The following CWC22 variants were observed in gnomAD, a reference collection of about 807,000 sequenced individuals.
CWC22 encodes the protein pre-mRNA-splicing factor CWC22 homolog.
CWC22 carries 53 observed loss-of-function variants against 117.2 expected under a neutral mutation model. The ratio of observed to expected loss-of-function variants is 0.45; its 90% confidence interval spans 0.36 to 0.57. The LOEUF is 0.57. Among genes scored for constraint, CWC22 ranks in the 20% least tolerant of loss-of-function variants. The pLI, the probability that CWC22 is intolerant of heterozygous loss-of-function variation, is 0.00. For missense variants in CWC22, 980 were observed against 1,068.8 expected, an observed-to-expected ratio of 0.92 and a Z score of 1.16; for synonymous variants, 360 against 355.6, an observed-to-expected ratio of 1.01 and a Z score of -0.14.
chr2:180,002,720 T>C (rs139230233), intron 1 of CWC22, among the ~76,000 whole-genome samples: 43 of 152,190 alleles, frequency 2.8e-4, no homozygotes, highest in Admixed American at 5.2e-4. Flanking sequence ...AAGAAGTAGG[T>C]CTTGAAGCTG....
chr2:179,981,113 A>G (rs1212291165), intron 5 of CWC22, among the ~76,000 whole-genome samples: 1 of 152,224 alleles, frequency 6.6e-6, no homozygotes, highest in Non-Finnish European at 1.5e-5. Flanking sequence ...ACAAAAAGAG[A>G]TAATTGCCAG....
intron 3 of CWC22, among the ~76,000 whole-genome samples, chr2:179,987,862 A>G (rs150394395): frequency 6.6e-6 from 1 of 152,356 alleles, no homozygotes; most frequent in African/African-American, 2.4e-5. Flanking sequence ...TAACATAGTT[A>G]TAATATGATA....
intron 19 of CWC22, 81 bp from the exon 20 acceptor site, chr2:179,945,796 G>C: frequency 1.1e-6 from 1 of 898,316 alleles, no homozygotes; most frequent in South Asian, 1.8e-5. Context: ...TACTGATACA[G>C]TGTAGGTTTA....
intron 13 of CWC22, among the ~76,000 whole-genome samples, chr2:179,963,503 C>T (rs1275202632): frequency 4.0e-5 from 6 of 149,934 alleles, no homozygotes; most frequent in Admixed American, 1.3e-4. Context: ...CTACCACGCC[C>T]GGCTAATTTT....
At chr2:179,972,559 G>A (rs923555893) in intron 8 of CWC22, among the ~76,000 whole-genome samples, 1 of 152,180 alleles carries the variant, frequency 6.6e-6, no homozygotes, top group Non-Finnish European at 1.5e-5. Context: ...AGGGAATGAA[G>A]TGGAGGAGAT....
intron 1 of CWC22, among the ~76,000 whole-genome samples, chr2:180,001,672 G>C (rs1687853111): frequency 6.6e-6 from 1 of 152,078 alleles, no homozygotes; most frequent in African/African-American, 2.4e-5. Flanking sequence ...CTGTAATTCA[G>C]CTTTCCCTTC....
intron 8 of CWC22, among the ~76,000 whole-genome samples, chr2:179,972,819 A>G (rs1380684010): frequency 6.6e-6 from 1 of 151,982 alleles, no homozygotes; most frequent in Non-Finnish European, 1.5e-5. Context: ...CATCCTGGCT[A>G]ACATGGTGAA....
intron 1 of CWC22, among the ~76,000 whole-genome samples, chr2:180,004,486 G>C (rs1165873685): frequency 6.6e-6 from 1 of 152,078 alleles, no homozygotes; most frequent in Non-Finnish European, 1.5e-5. Flanking sequence ...CCGCCTCCCA[G>C]GTTTAAGTGA....
At chr2:179,954,505 A>T in intron 15 of CWC22, 148 bp from the exon 16 acceptor site, 1 of 558,188 alleles carries the variant, frequency 1.8e-6, no homozygotes, top group East Asian at 2.9e-5. Context: ...GTGCCATATG[A>T]TGCTCAAAAA....
intron 8 of CWC22, among the ~76,000 whole-genome samples, chr2:179,972,386 A>C (rs1051252844): frequency 1.3e-5 from 2 of 152,166 alleles, no homozygotes; most frequent in Admixed American, 1.3e-4. Context: ...ATAAACACAA[A>C]CTGAATAACA....
chr2:179,961,589 G>C (rs1685149502), intron 13 of CWC22, among the ~76,000 whole-genome samples: 2 of 151,794 alleles, frequency 1.3e-5, no homozygotes, highest in Admixed American at 6.6e-5. Flanking sequence ...TTCTTTTCCA[G>C]CTCTTTTAAA....
At chr2:179,972,341 A>C (rs1036645530) in intron 8 of CWC22, among the ~76,000 whole-genome samples, 2 of 152,206 alleles carry the variant, frequency 1.3e-5, no homozygotes, top group Non-Finnish European at 2.9e-5. Flanking sequence ...GGTTAAATAA[A>C]AGCTAAATCA....
At chr2:179,955,145 A>C in intron 14 of CWC22, 111 bp from the exon 15 acceptor site, 1 of 745,320 alleles carries the variant, frequency 1.3e-6, no homozygotes, top group Non-Finnish European at 2.2e-6. Flanking sequence ...GGTTTAAAAC[A>C]GTTCAAAAAT....
chr2:179,966,066 G>A lies in CWC22; in HGVS notation c.1211-84C>T, dbSNP rs539455932. ...TTCTAAGAAGATAAATTCTCAGTTC[G>A]TTGAAATCCACTGTGGTGTAACAGT... On this transcript the variant is annotated intron_variant, in intron 11 of 19. Coordinates refer to ENST00000410053, the MANE Select transcript of CWC22 (RefSeq NM_020943.3). 53 of 1,072,170 alleles carry A rather than the reference G, an allele frequency of 4.9e-5. No individual in the cohort carries two copies. The Middle Eastern group carries it at 1.5e-3, about 30-fold the overall frequency. The allele number at this position is 1,072,170 out of a possible 1,614,324, so 66.4% of individuals were successfully genotyped here. A position where few individuals can be genotyped will look rare whatever the true frequency, so the allele number is the denominator to read the frequency against.
At chr2:179,951,064 T>C (rs1174035382) in intron 17 of CWC22, 138 bp from the exon 18 acceptor site, 1 of 598,330 alleles carries the variant, frequency 1.7e-6, no homozygotes, top group East Asian at 2.9e-5. Context: ...TGTCATTTAT[T>C]AGGTTAGGCT....
At chr2:179,984,744 A>G (rs1687375151) in intron 4 of CWC22, among the ~76,000 whole-genome samples, 1 of 152,082 alleles carries the variant, frequency 6.6e-6, no homozygotes, top group Non-Finnish European at 1.5e-5. Context: ...ATGAAGGGAT[A>G]ATGAAAATGG....
intron 1 of CWC22, among the ~76,000 whole-genome samples, chr2:179,996,917 A>G (rs1332590345): frequency 6.6e-6 from 1 of 151,990 alleles, no homozygotes; most frequent in Non-Finnish European, 1.5e-5. Flanking sequence ...AACAAAAAAC[A>G]ACAACTAAGA....
chr2:179,955,841 T>C (rs899922398), intron 14 of CWC22, among the ~76,000 whole-genome samples: 17 of 151,998 alleles, frequency 1.1e-4, no homozygotes, highest in African/African-American at 4.1e-4. Flanking sequence ...GAAATATGTA[T>C]TGATTATAGC....
intron 17 of CWC22, among the ~76,000 whole-genome samples, chr2:179,951,161 A>C (rs935200952): frequency 6.6e-6 from 1 of 152,090 alleles, no homozygotes; most frequent in Admixed American, 6.6e-5. Context: ...AGGTTTTTAA[A>C]AAACTTTTTT....
Sources: gnomAD v4.1 joint callset for allele counts (sites outside exome capture counted in the v4.1 genomes callset) on GRCh38, gnomAD v4.1.1 for gene constraint, MANE v1.5 for transcripts, NCBI Gene and HGNC (gene_info 2026-07-23, HGNC 2026-07-21) for gene names.